Variants in ADGRL3 observed in about 807,000 individuals in gnomAD.
ADGRL3 encodes adhesion G protein-coupled receptor L3.
Under a neutral mutation model 153.5 loss-of-function variants are expected in ADGRL3, and 62 were observed. The observed-to-expected ratio is 0.40, with a 90% CI of 0.33 to 0.50. The LOEUF (loss-of-function observed/expected upper bound fraction) is 0.50, where lower values mean the gene tolerates loss of function less well. Ranked by LOEUF, ADGRL3 falls within the 20% of genes least tolerant of loss-of-function variation. The pLI, the probability that ADGRL3 is intolerant of heterozygous loss-of-function variation, is 0.47. For missense variants in ADGRL3, 1,641 were observed against 1,859.4 expected (o/e 0.88, Z 2.16); for synonymous variants, 710 against 672.5 (o/e 1.06, Z -0.86).
At chr4:61,668,683 T>C (rs1580186473) in intron 5 of ADGRL3, among the ~76,000 whole-genome samples, 2 of 152,174 alleles carry the variant, frequency 1.3e-5, no homozygotes, top group East Asian at 3.9e-4. Context: ...AAATATCCTA[T>C]AGTACTTTTA....
chr4:61,568,147 A>T (rs1194816951), intron 4 of ADGRL3, among the ~76,000 whole-genome samples: 2 of 152,108 alleles, frequency 1.3e-5, no homozygotes, highest in Non-Finnish European at 1.5e-5. Context: ...TTCATCGGAA[A>T]TATTCTTTCT....
chr4:61,213,217 A>G (rs72633405), intron 1 of ADGRL3, among the ~76,000 whole-genome samples: 3,376 of 152,260 alleles, frequency 0.022, 53 homozygotes, highest in Middle Eastern at 0.058. Context: ...GACTCATAGT[A>G]TCAATGTCAG....
intron 8 of ADGRL3, among the ~76,000 whole-genome samples, chr4:61,746,177 C>T (rs1472167927): frequency 6.6e-6 from 1 of 152,230 alleles, no homozygotes; most frequent in Non-Finnish European, 1.5e-5. Context: ...TATATATGCA[C>T]CCAACACAGG....
At chr4:61,258,845 CCTA>C (rs1452363490) in intron 1 of ADGRL3, among the ~76,000 whole-genome samples, 1 of 152,108 alleles carries the variant, frequency 6.6e-6, no homozygotes, top group Non-Finnish European at 1.5e-5. Context: ...AACAAAATAA[CCTA>C]CTTCTAGGAA....
At chr4:61,966,603 T>C (rs929492205) in intron 17 of ADGRL3, among the ~76,000 whole-genome samples, 3 of 151,428 alleles carry the variant, frequency 2.0e-5, no homozygotes, top group East Asian at 1.9e-4. Flanking sequence ...TGTGTGTGTG[T>C]GTGAATGAAA....
chr4:61,973,325 A>C (rs1033976964), intron 17 of ADGRL3, among the ~76,000 whole-genome samples: 1 of 152,030 alleles, frequency 6.6e-6, no homozygotes, highest in Admixed American at 6.6e-5. Context: ...TCACTTTCAC[A>C]AGTGACATTC....
At chr4:61,677,174 C>T (rs1055814766) in intron 6 of ADGRL3, 4 of 416,212 alleles carry the variant, frequency 9.6e-6, no homozygotes, top group African/African-American at 8.0e-5. Context: ...TTCTAACACA[C>T]TTTTCTTAAT....
At chr4:62,046,065 A>G (rs542097707) in intron 25 of ADGRL3, among the ~76,000 whole-genome samples, 29 of 152,014 alleles carry the variant, frequency 1.9e-4, no homozygotes, top group Admixed American at 5.3e-4. Flanking sequence ...TTGCTTACAT[A>G]TGACTGATTT....
chr4:61,315,171 G>T (rs2150612313), intron 1 of ADGRL3, among the ~76,000 whole-genome samples: 1 of 152,228 alleles, frequency 6.6e-6, no homozygotes, highest in South Asian at 2.1e-4. Context: ...AAAGCAAAAT[G>T]AACACTCCCT....
At chr4:61,592,388 A>G (rs898617541) in intron 5 of ADGRL3, among the ~76,000 whole-genome samples, 3 of 152,170 alleles carry the variant, frequency 2.0e-5, no homozygotes, top group African/African-American at 7.2e-5. Context: ...TCTCTTATAA[A>G]CTATAACAGA....
chr4:62,068,679 C>A (rs144090231), intron 26 of ADGRL3, among the ~76,000 whole-genome samples: 1 of 152,218 alleles, frequency 6.6e-6, no homozygotes, highest in East Asian at 1.9e-4. Flanking sequence ...TCACATACAG[C>A]CCTTTAAGAA....
At chr4:61,247,813 A>C (rs1452439288) in intron 1 of ADGRL3, among the ~76,000 whole-genome samples, 1 of 152,070 alleles carries the variant, frequency 6.6e-6, no homozygotes, top group Non-Finnish European at 1.5e-5. Flanking sequence ...TAATAATAAT[A>C]ATAGCTATAA....
At chr4:61,695,805 A>G (rs1232559741) in intron 6 of ADGRL3, among the ~76,000 whole-genome samples, 1 of 152,144 alleles carries the variant, frequency 6.6e-6, no homozygotes, top group African/African-American at 2.4e-5. Flanking sequence ...ATTGACTTTC[A>G]TCAGTTATCT....
At chr4:61,528,569 C>T (rs2098591110) in intron 4 of ADGRL3, among the ~76,000 whole-genome samples, 1 of 152,026 alleles carries the variant, frequency 6.6e-6, no homozygotes, top group South Asian at 2.1e-4. Flanking sequence ...CAACAATAGC[C>T]TACCATACTG....
intron 5 of ADGRL3, among the ~76,000 whole-genome samples, chr4:61,613,950 C>A (rs111415288): frequency 3.2e-3 from 480 of 152,118 alleles, no homozygotes; most frequent in African/African-American, 0.011. Flanking sequence ...AAATGATGTG[C>A]ATCAAAGTTG....
intron 5 of ADGRL3, among the ~76,000 whole-genome samples, chr4:61,609,558 A>G (rs886822846): frequency 6.6e-6 from 1 of 152,092 alleles, no homozygotes; most frequent in African/African-American, 2.4e-5. Flanking sequence ...AAAGTATTTC[A>G]TGTCTTAAAT....
chr4:61,478,084 G>T (rs1201727701), intron 2 of ADGRL3, among the ~76,000 whole-genome samples: 3 of 151,830 alleles, frequency 2.0e-5, no homozygotes. Context: ...AATTTGCTTG[G>T]AGAATAAAAC....
At chr4:61,965,455 T>G (rs1332029506) in intron 17 of ADGRL3, among the ~76,000 whole-genome samples, 1 of 152,132 alleles carries the variant, frequency 6.6e-6, no homozygotes, top group South Asian at 2.1e-4. Context: ...AACAAGATTT[T>G]AAAAGCATTT....
chr4:61,282,256 G>A (rs928945779), intron 1 of ADGRL3, among the ~76,000 whole-genome samples: 5 of 151,898 alleles, frequency 3.3e-5, no homozygotes, highest in Non-Finnish European at 7.4e-5. Context: ...CTAAAGTATG[G>A]CAACTGATAA....
Sources: gnomAD v4.1 joint callset for allele counts (sites outside exome capture counted in the v4.1 genomes callset) on GRCh38, gnomAD v4.1.1 for gene constraint, MANE v1.5 for transcripts, NCBI Gene and HGNC (gene_info 2026-07-23, HGNC 2026-07-21) for gene names.